RGS7: variants seen among roughly 807,000 people sequenced by gnomAD.
RGS7 encodes the protein regulator of G protein signaling 7.
A neutral mutation model predicts 81.1 loss-of-function variants in RGS7; 27 were observed. The ratio of observed to expected loss-of-function variants is 0.33; its 90% CI spans 0.25 to 0.46. The LOEUF (loss-of-function observed/expected upper bound fraction) is 0.46. RGS7 is among the 20% of genes least tolerant of loss of function. The pLI is 1.00. For missense variants in RGS7, 396 were observed against 607.4 expected (o/e 0.65, Z 3.66); for synonymous variants, 208 against 207.7 (o/e 1.00, Z -0.01).
Position 241,158,062 on chromosome 1 carries a change from G to A in RGS7, c.79-59300C>T, listed in dbSNP as rs577872231. On this transcript the variant is annotated intron_variant, in intron 2 of 18. Coordinates refer to ENST00000440928, the MANE Select transcript of RGS7 (RefSeq NM_001364886.1). The stretch of plus-strand genomic sequence containing the variant: ...GTCTCATCTCCTGACCTTATGATCC[G>A]CCCGCCTCAGTCTCCCAAAGTGCTG... Among the ~76,000 whole-genome samples the A allele has an allele frequency of 6.6e-5, 10 of 151,240 alleles. No individual in the cohort carries two copies. The East Asian group carries it at 7.8e-4, about 12-fold the overall frequency.
At chr1:240,812,215 T>C (rs1572203110) in intron 13 of RGS7, among the ~76,000 whole-genome samples, 172 bp from the exon 14 acceptor site, 1 of 152,192 alleles carries the variant, frequency 6.6e-6, no homozygotes, top group Admixed American at 6.5e-5. Context: ...TGTACATTAG[T>C]ATTAATAATA....
intron 3 of RGS7, among the ~76,000 whole-genome samples, chr1:241,007,886 C>G (rs183840951): frequency 6.6e-6 from 1 of 152,138 alleles, no homozygotes; most frequent in Non-Finnish European, 1.5e-5. Context: ...CCCAACTGTG[C>G]GGGCACATGC....
rs1485913368 is a variant in RGS7 at position 240,985,342 on chromosome 1, G to A, written c.176-2213C>T. Among the ~76,000 whole-genome samples, 6 of 152,076 alleles carry A rather than the reference G, an allele frequency of 3.9e-5. No individual in the cohort carries two copies. The South Asian group carries it at 1.2e-3, about 31-fold the overall frequency. Reference sequence around the variant, plus strand: ...TGAAGACAGCCAAACATTCATTCCAGGACTATACATATTTTTTATTGTGAA... The same window carrying A: ...TGAAGACAGCCAAACATTCATTCCAAGACTATACATATTTTTTATTGTGAA... On this transcript the variant is annotated intron_variant, in intron 3 of 18. Transcript: ENST00000440928.
At chr1:241,274,230 T>C (rs995216970) in intron 2 of RGS7, among the ~76,000 whole-genome samples, 1 of 152,250 alleles carries the variant, frequency 6.6e-6, no homozygotes, top group African/African-American at 2.4e-5. Flanking sequence ...TTGTCATCTT[T>C]ATATTTTCAG....
At chr1:241,082,122 T>C (rs2063168771) in intron 3 of RGS7, among the ~76,000 whole-genome samples, 1 of 152,222 alleles carries the variant, frequency 6.6e-6, no homozygotes, top group Non-Finnish European at 1.5e-5. Flanking sequence ...TGGGAATAAG[T>C]CGATACACCT....
intron 3 of RGS7, among the ~76,000 whole-genome samples, chr1:241,012,264 A>G (rs2058996229): frequency 6.6e-6 from 1 of 152,180 alleles, no homozygotes; most frequent in Non-Finnish European, 1.5e-5. Context: ...CTCAATGAAG[A>G]TAGGTGAGAC....
At chr1:240,794,334 A>G (rs1270239589) in intron 18 of RGS7, among the ~76,000 whole-genome samples, 1 of 152,146 alleles carries the variant, frequency 6.6e-6, no homozygotes, top group Non-Finnish European at 1.5e-5. Context: ...CACAAAGAGT[A>G]TCACATAACC....
chr1:241,298,378 A>G (rs1459859070), intron 2 of RGS7, among the ~76,000 whole-genome samples: 2 of 152,212 alleles, frequency 1.3e-5, no homozygotes, highest in Non-Finnish European at 2.9e-5. Context: ...TGGAACTTGT[A>G]TTATGTCTGA....
chr1:241,165,174 A>T (rs541415830), intron 2 of RGS7, among the ~76,000 whole-genome samples: 1 of 152,320 alleles, frequency 6.6e-6, no homozygotes, highest in East Asian at 1.9e-4. Context: ...ACCAACACTC[A>T]TTCCAGAAGT....
At chr1:241,082,667 T>C (rs1202742444) in intron 3 of RGS7, among the ~76,000 whole-genome samples, 1 of 152,174 alleles carries the variant, frequency 6.6e-6, no homozygotes, top group Non-Finnish European at 1.5e-5. Context: ...ATTATCGAAA[T>C]TACAGTTAAC....
chr1:240,932,632 C>T lies in RGS7; in HGVS notation c.334-1864G>A, dbSNP rs181149041. 6.7e-3 allele frequency among the ~76,000 whole-genome samples: 1,002 copies of T among 150,296 alleles called. 13 individuals are homozygous for T. Among genetic ancestry groups the T allele is most frequent in the African/African-American group, 0.023 (949 of 40,916 alleles). ...CACGCCATTCTCCTGCCTCAGCCTC[C>T]CAAGTAGCTGGGACTACAGGTGCCC... On this transcript the variant is annotated intron_variant, in intron 5 of 18. Coordinates refer to ENST00000440928, the MANE Select transcript of RGS7 (RefSeq NM_001364886.1).
intron 2 of RGS7, among the ~76,000 whole-genome samples, chr1:241,184,517 T>C (rs2071924510): frequency 6.6e-6 from 1 of 152,170 alleles, no homozygotes; most frequent in Non-Finnish European, 1.5e-5. Context: ...ACTTTTTGAG[T>C]GCTGACATGA....
At chr1:240,990,421 C>T (rs1021659738) in intron 3 of RGS7, among the ~76,000 whole-genome samples, 5 of 152,072 alleles carry the variant, frequency 3.3e-5, no homozygotes, top group South Asian at 2.1e-4. Flanking sequence ...ATTATAGTCC[C>T]GTAAAGCAGA....
At chr1:241,057,866 A>G (rs1228797551) in intron 3 of RGS7, among the ~76,000 whole-genome samples, 2 of 152,192 alleles carry the variant, frequency 1.3e-5, no homozygotes, top group African/African-American at 4.8e-5. Context: ...TATCTCAAAA[A>G]TAGTAATAAT....
rs144402551 is a variant in RGS7 at position 241,204,814 on chromosome 1, G to T, written c.79-106052C>A. Among the ~76,000 whole-genome samples the T allele has an allele frequency of 5.1e-3, 782 of 152,032 alleles. 6 individuals carry two copies. The highest frequency in any genetic ancestry group is 0.018 in the African/African-American group (761 of 41,510). ...ACATAGAGCAGCAATTATGTGAGATGATATAGTTAAACAGTATCGATAATA... is the reference window on the plus strand; with the variant it reads ...ACATAGAGCAGCAATTATGTGAGATTATATAGTTAAACAGTATCGATAATA... On this transcript the variant is annotated intron_variant, in intron 2 of 18. Transcript: ENST00000440928.
chr1:241,123,220 G>A (rs1572785049), intron 2 of RGS7, among the ~76,000 whole-genome samples: 3 of 152,220 alleles, frequency 2.0e-5, no homozygotes, highest in Admixed American at 6.5e-5. Context: ...AGTGTGGCTG[G>A]ACCAGCAGCT....
At chr1:241,343,937 A>C (rs2082725934) in intron 2 of RGS7, among the ~76,000 whole-genome samples, 1 of 152,268 alleles carries the variant, frequency 6.6e-6, no homozygotes, top group South Asian at 2.1e-4. Flanking sequence ...AAGAAATTAA[A>C]GCACGTTGAG....
chr1:241,070,886 T>TA (rs930681786), intron 3 of RGS7, among the ~76,000 whole-genome samples: 3 of 152,298 alleles, frequency 2.0e-5, no homozygotes, highest in Admixed American at 2.0e-4. Flanking sequence ...GTGATGGGCA[T>TA]AAAAATATGT....
chr1:241,153,272 G>A (rs1403366870), intron 2 of RGS7, among the ~76,000 whole-genome samples: 5 of 99,250 alleles, frequency 5.0e-5, no homozygotes, highest in Non-Finnish European at 1.2e-4. Context: ...TGAGGGCACA[G>A]CATTTGTGCA....
Sources: allele counts gnomAD v4.1 joint callset (sites outside exome capture counted in the v4.1 genomes callset), GRCh38; gene constraint gnomAD v4.1.1; transcripts MANE v1.5; gene names NCBI Gene and HGNC (gene_info 2026-07-23, HGNC 2026-07-21).